GTF2IRD1: variants seen among roughly 807,000 people sequenced by gnomAD.
GTF2IRD1 encodes the protein general transcription factor II-I repeat domain-containing protein 1.
Under a neutral mutation model 113.2 loss-of-function variants are expected in GTF2IRD1, and 26 were observed. That is an observed-to-expected ratio of 0.23 (90% CI 0.17 to 0.32). GTF2IRD1 has a LOEUF of 0.32. GTF2IRD1 is among the 10% of genes least tolerant of loss of function. The pLI is 1.00. For missense variants in GTF2IRD1, 864 were observed against 1,280.8 expected (o/e 0.67, Z 4.97); for synonymous variants, 484 against 529.1 (o/e 0.91, Z 1.17).
chr7:74,502,873 T>TA (rs779794403), intron 1 of GTF2IRD1, among the ~76,000 whole-genome samples: 142 of 152,130 alleles, frequency 9.3e-4, no homozygotes, highest in Non-Finnish European at 1.6e-3. Context: ...AACTTAAAAA[T>TA]ACAGTGTCCA....
rs61151844 is a variant in GTF2IRD1, at chr7:74,476,366, C to CTTTTTTTT, written c.-7+22194_-7+22201dup. Among the ~76,000 whole-genome samples, 32 of 122,140 alleles carry CTTTTTTTT rather than the reference C, an allele frequency of 2.6e-4. 3 individuals carry two copies. Among genetic ancestry groups the CTTTTTTTT allele is most frequent in the South Asian group, 5.1e-4 (2 of 3,904 alleles). 80.1% of individuals were successfully genotyped at this position (122,140 alleles called of 152,430 possible). A position where few individuals can be genotyped will look rare whatever the true frequency, so the allele number is the denominator to read the frequency against. ...CCCGCTTGGAAGCCTTCTGAACCTCCTTTTTTTTTTTCTTTTGAGACGGAG... is the reference window on the plus strand; with the variant it reads ...CCCGCTTGGAAGCCTTCTGAACCTCCTTTTTTTTTTTTTTTTTTTCTTTTGAGACGGAG... On this transcript the variant is annotated intron_variant, in intron 1 of 26. Transcript: ENST00000424337.
At position 74,466,981 on chromosome 7, in the gene GTF2IRD1, C is replaced by A. The variant is rs1201637242; in HGVS notation, c.-7+12805C>A. On this transcript the variant is annotated intron_variant, in intron 1 of 26. Coordinates refer to ENST00000424337, the MANE Select transcript of GTF2IRD1 (RefSeq NM_005685.4). ...TTTTTTTTTTTTGGAGACAGGGTCT[C>A]GCTCCATTGCCCAGGCTGGAGTGCA... Among the ~76,000 whole-genome samples, 3 of 149,706 alleles carry A rather than the reference C, an allele frequency of 2.0e-5. No individual in the cohort carries two copies. The East Asian group carries it at 5.9e-4, about 29-fold the overall frequency.
intron 1 of GTF2IRD1, among the ~76,000 whole-genome samples, chr7:74,485,163 G>A (rs1489731865): frequency 6.6e-6 from 1 of 152,178 alleles, no homozygotes; most frequent in Non-Finnish European, 1.5e-5. Context: ...AGAGGGATGT[G>A]CATCAAGGCA....
At chr7:74,552,980 G>A (rs1554355486) in intron 17 of GTF2IRD1, among the ~76,000 whole-genome samples, 1 of 152,144 alleles carries the variant, frequency 6.6e-6, no homozygotes, top group African/African-American at 2.4e-5. Context: ...TGGGATAACA[G>A]GCGCATGTCA....
intron 22 of GTF2IRD1, among the ~76,000 whole-genome samples, chr7:74,560,988 C>T (rs1178472372): frequency 6.6e-6 from 1 of 152,190 alleles, no homozygotes; most frequent in African/African-American, 2.4e-5. Context: ...TGATCCCAAA[C>T]CCAGATTTGC....
chr7:74,496,146 A>G (rs1554337834), intron 1 of GTF2IRD1, among the ~76,000 whole-genome samples: 1 of 151,148 alleles, frequency 6.6e-6, no homozygotes, highest in Non-Finnish European at 1.5e-5. Flanking sequence ...ATGTGAGTGC[A>G]TTGTGTGCAC....
intron 1 of GTF2IRD1, among the ~76,000 whole-genome samples, chr7:74,489,916 C>T (rs1365571822): frequency 6.6e-6 from 1 of 152,080 alleles, no homozygotes; most frequent in Non-Finnish European, 1.5e-5. Context: ...GGGAGTGGGG[C>T]AGAGGACTTG....
chr7:74,540,907 G>A (rs587759740), intron 14 of GTF2IRD1, among the ~76,000 whole-genome samples: 6 of 151,972 alleles, frequency 3.9e-5, no homozygotes, highest in East Asian at 4.0e-4. Flanking sequence ...GATTACAGGC[G>A]CCCGCCACCA....
chr7:74,509,957 G>A (rs782465587), intron 2 of GTF2IRD1, among the ~76,000 whole-genome samples: 1 of 152,164 alleles, frequency 6.6e-6, no homozygotes, highest in Non-Finnish European at 1.5e-5. Flanking sequence ...TTACAGGCGT[G>A]AGCCACTGCG....
intron 1 of GTF2IRD1, among the ~76,000 whole-genome samples, chr7:74,458,803 C>T (rs1793166314): frequency 6.6e-6 from 1 of 152,094 alleles, no homozygotes; most frequent in Admixed American, 6.6e-5. Flanking sequence ...TACAGATGTA[C>T]ACCACCACAC....
chr7:74,466,001 C>T (rs1270884622), intron 1 of GTF2IRD1, among the ~76,000 whole-genome samples: 1 of 152,188 alleles, frequency 6.6e-6, no homozygotes, highest in Non-Finnish European at 1.5e-5. Flanking sequence ...GAACTCCTGG[C>T]CTCAAGTGAT....
Position 74,470,886 on chromosome 7 carries a change from C to T in GTF2IRD1, c.-7+16710C>T, listed in dbSNP as rs1794044436. Among the ~76,000 whole-genome samples, 3 of 152,280 alleles carry T rather than the reference C, an allele frequency of 2.0e-5. No individual in the cohort carries two copies. In the South Asian group the frequency reaches 6.2e-4, roughly 32 times the overall value. On this transcript the variant is annotated intron_variant, in intron 1 of 26. Transcript: ENST00000424337. ...TGGCGTGATCTCGGCTCACTGCAACCTCCGCCTCCCTGGTTCAAGCAATTC... is the reference window on the plus strand; with the variant it reads ...TGGCGTGATCTCGGCTCACTGCAACTTCCGCCTCCCTGGTTCAAGCAATTC...
chr7:74,486,945 A>T (rs1261619357), intron 1 of GTF2IRD1, among the ~76,000 whole-genome samples: 1 of 152,172 alleles, frequency 6.6e-6, no homozygotes, highest in African/African-American at 2.4e-5. Context: ...ACATAGCAAG[A>T]CCCTGTCTCT....
intron 1 of GTF2IRD1, among the ~76,000 whole-genome samples, chr7:74,459,858 G>A (rs1464538996): frequency 6.6e-6 from 1 of 152,166 alleles, no homozygotes; most frequent in East Asian, 1.9e-4. Flanking sequence ...GGTTTGGGGA[G>A]GGGCCAGAGG....
chr7:74,530,871 C>G (rs1554348686), intron 9 of GTF2IRD1, among the ~76,000 whole-genome samples: 1 of 152,070 alleles, frequency 6.6e-6, no homozygotes, highest in Admixed American at 6.6e-5. Context: ...AGGCCTGATA[C>G]CAGCCCAGGC....
chr7:74,584,007 G>A (rs1452059973), intron 22 of GTF2IRD1, among the ~76,000 whole-genome samples: 1 of 151,948 alleles, frequency 6.6e-6, no homozygotes, highest in Non-Finnish European at 1.5e-5. Flanking sequence ...GACCCCCGTG[G>A]GCCATGTAAA....
Position 74,590,965 on chromosome 7 carries a change from A to G in GTF2IRD1, c.2539A>G (p.Lys847Glu), listed in dbSNP as rs1392601535. ...CACGTACGACATCCACCGGCTGGAG[A>G]AGATCCTGAAGGCCCGAGAGCATGT... ...PNTYDIHRLE[K>E]ILKAREHVRM... The change falls in exon 24 of 27, where the codon AAG becomes GAG. Residue 847 changes from lysine (K) to glutamate (E), a missense_variant. Physicochemically the swap from Lys to Glu is moderately conservative, Grantham distance 56 (BLOSUM62 1). Transcript: ENST00000424337. The G allele has an allele frequency of 1.2e-6, 2 of 1,613,318 alleles. No individual in the cohort carries two copies. Among genetic ancestry groups the G allele is most frequent in the Admixed American group, 1.7e-5 (1 of 59,980 alleles).
chr7:74,465,610 T>C (rs1793658248), intron 1 of GTF2IRD1, among the ~76,000 whole-genome samples: 1 of 152,152 alleles, frequency 6.6e-6, no homozygotes, highest in Non-Finnish European at 1.5e-5. Flanking sequence ...CTTTGTCAGC[T>C]TGTCACGTGA....
chr7:74,486,340 G>A (rs1795026716), intron 1 of GTF2IRD1, among the ~76,000 whole-genome samples: 1 of 152,194 alleles, frequency 6.6e-6, no homozygotes, highest in African/African-American at 2.4e-5. Context: ...CCAGCCGCAG[G>A]CAGCTGCTCA....
Sources: gnomAD v4.1 joint callset for allele counts (sites outside exome capture counted in the v4.1 genomes callset) on GRCh38, gnomAD v4.1.1 for gene constraint, MANE v1.5 for transcripts, NCBI Gene and HGNC (gene_info 2026-07-23, HGNC 2026-07-21) for gene names.